Variants in SATB2 observed in about 807,000 individuals in gnomAD.
SATB2 encodes SATB homeobox 2.
In SATB2, 1 loss-of-function variant was observed where a neutral mutation model predicts 73.4. That is an observed-to-expected ratio of 0.01 (90% CI 0.00 to 0.06). The LOEUF (loss-of-function observed/expected upper bound fraction) is 0.06. Among genes scored for constraint, SATB2 ranks in the 10% least tolerant of loss-of-function variants. SATB2 has a pLI of 1.00. For missense variants in SATB2, 459 were observed against 945.8 expected, an observed-to-expected ratio of 0.49 and a Z score of 6.75; for synonymous variants, 397 against 367.0, an observed-to-expected ratio of 1.08 and a Z score of -0.93.
At chr2:199,314,868 C>T (rs1687687743) in intron 9 of SATB2, among the ~76,000 whole-genome samples, 1 of 152,056 alleles carries the variant, frequency 6.6e-6, no homozygotes, top group Non-Finnish European at 1.5e-5. Flanking sequence ...AGAATTAACT[C>T]GTCTTTCTTT....
At chr2:199,298,433 C>T (rs1687182445) in intron 10 of SATB2, among the ~76,000 whole-genome samples, 3 of 152,042 alleles carry the variant, frequency 2.0e-5, no homozygotes, top group Admixed American at 2.0e-4. Flanking sequence ...ACTTATACTA[C>T]TTAAGTATTT....
intron 3 of SATB2, among the ~76,000 whole-genome samples, chr2:199,417,054 ACACACACACAC>A (rs1691012996): frequency 1.3e-5 from 2 of 151,192 alleles, no homozygotes; most frequent in Non-Finnish European, 3.0e-5. Context: ...ACACACACAC[ACACACACACAC>A]ACACACTCAC....
At chr2:199,399,075 A>T (rs1690389440) in intron 3 of SATB2, among the ~76,000 whole-genome samples, 1 of 152,172 alleles carries the variant, frequency 6.6e-6, no homozygotes, top group Admixed American at 6.5e-5. Flanking sequence ...GGTCAAGACC[A>T]GCCTGAGCAA....
chr2:199,335,546 T>C (rs1688313467), intron 7 of SATB2, among the ~76,000 whole-genome samples: 2 of 152,190 alleles, frequency 1.3e-5, no homozygotes. Flanking sequence ...AGTAAACTCC[T>C]TGGGGGCAGA....
Position 199,349,085 on chromosome 2 carries a change from G to C in SATB2, c.789C>G (p.Ser263=), listed in dbSNP as rs781251588. Residue 263 remains serine (S), a synonymous_variant, in exon 7 of 11, where the codon TCC becomes TCG. Coordinates refer to ENST00000417098, the MANE Select transcript of SATB2 (RefSeq NM_001172509.2). ...GAGACTGTTCGTTGGTTTTCCCCAG[G>C]GATGCCAGCTGGTTCATATTTGGTA... ...MHLPNMNQLA[S]LGKTNEQSPH... is the part of the protein sequence containing the mutation. 1.2e-6 allele frequency: 2 copies of C among 1,614,008 alleles called. No individual in the cohort carries two copies. Among genetic ancestry groups the C allele is most frequent in the South Asian group, 2.2e-5 (2 of 91,074 alleles).
Position 199,421,964 on chromosome 2 carries a change from T to A in SATB2, c.346+11374A>T, listed in dbSNP as rs1320011564. Among the ~76,000 whole-genome samples, 5 of 152,218 alleles carry A rather than the reference T, an allele frequency of 3.3e-5. No homozygotes were observed. The East Asian group carries it at 7.7e-4, about 23-fold the overall frequency. ...CTCTGATTGCCCAGCATGTGCTGGG[T>A]ATATAGTATCTGCACTTAACACTTC... On this transcript the variant is annotated intron_variant, in intron 3 of 10. Coordinates refer to ENST00000417098, the MANE Select transcript of SATB2 (RefSeq NM_001172509.2).
intron 10 of SATB2, among the ~76,000 whole-genome samples, chr2:199,299,300 TA>T (rs893725620): frequency 2.6e-5 from 4 of 152,224 alleles, no homozygotes; most frequent in Non-Finnish European, 5.9e-5. Context: ...TAGAGCTATG[TA>T]AATCACTTTA....
intron 9 of SATB2, among the ~76,000 whole-genome samples, chr2:199,313,811 G>T (rs1277147408): frequency 6.6e-6 from 1 of 152,112 alleles, no homozygotes; most frequent in Non-Finnish European, 1.5e-5. Flanking sequence ...AGAACCTCTA[G>T]TTCACAATTT....
At chr2:199,469,634 A>C (rs1169600376), upstream of SATB2, 1 of 152,402 alleles carries the variant, frequency 6.6e-6, no homozygotes, top group African/African-American at 2.4e-5. Context: ...CCGGCAGAGC[A>C]TAAGGGCCCG....
intron 6 of SATB2, among the ~76,000 whole-genome samples, chr2:199,353,168 T>TTTA (rs1688870728): frequency 7.0e-6 from 1 of 143,838 alleles, no homozygotes; most frequent in African/African-American, 2.6e-5. Flanking sequence ...TTTTTTTTTT[T>TTTA]TTTTGAGACA....
intron 9 of SATB2, among the ~76,000 whole-genome samples, chr2:199,313,367 A>T (rs1308108425): frequency 6.6e-6 from 1 of 152,206 alleles, no homozygotes; most frequent in Non-Finnish European, 1.5e-5. Context: ...TTAAAACTTT[A>T]CCTTCAAAAT....
intron 4 of SATB2, 118 bp downstream of exon 4, chr2:199,381,571 CTTCTT>C (rs1559017659): frequency 5.1e-5 from 71 of 1,380,294 alleles, no homozygotes; most frequent in African/African-American, 1.4e-5. Context: ...CCTCTCTCTC[CTTCTT>C]TTCATTTTGT....
intron 3 of SATB2, chr2:199,397,654 C>T (rs999581253): frequency 2.4e-5 from 6 of 248,878 alleles, no homozygotes; most frequent in South Asian, 3.3e-5. Flanking sequence ...TTTGGGAGGC[C>T]GAGGTGGGCA....
At chr2:199,437,405 T>C (rs1490593305) in intron 2 of SATB2, among the ~76,000 whole-genome samples, 2 of 152,244 alleles carry the variant, frequency 1.3e-5, no homozygotes, top group Non-Finnish European at 2.9e-5. Flanking sequence ...TTAGTGATGA[T>C]ACTGAAACTG....
chr2:199,366,418 T>A (rs1296122936), intron 6 of SATB2, among the ~76,000 whole-genome samples: 1 of 152,130 alleles, frequency 6.6e-6, no homozygotes, highest in Non-Finnish European at 1.5e-5. Context: ...AAAATATGCC[T>A]GCTTCAGTCC....
chr2:199,332,912 G>A (rs573417483), intron 7 of SATB2, among the ~76,000 whole-genome samples: 68 of 152,072 alleles, frequency 4.5e-4, no homozygotes, highest in Non-Finnish European at 7.9e-4. Context: ...CTGGAAGAGA[G>A]CAATAAGAGA....
intron 6 of SATB2, among the ~76,000 whole-genome samples, chr2:199,366,279 T>G (rs1485843039): frequency 6.6e-6 from 1 of 152,046 alleles, no homozygotes; most frequent in Non-Finnish European, 1.5e-5. Context: ...ATTCATTGCC[T>G]TTTTTTCATT....
intron 2 of SATB2, among the ~76,000 whole-genome samples, chr2:199,439,495 C>T (rs958206527): frequency 3.3e-5 from 5 of 152,162 alleles, no homozygotes; most frequent in African/African-American, 9.7e-5. Context: ...ATCTTTTCTT[C>T]GTATAAAACT....
At chr2:199,465,204 C>T (rs1166660730), upstream of SATB2, 11 of 151,698 alleles carry the variant, frequency 7.3e-5, no homozygotes, top group Non-Finnish European at 2.9e-5. Context: ...TTATTTGTTT[C>T]AGCAGTCCTT....
Sources: gnomAD v4.1 joint callset for allele counts (sites outside exome capture counted in the v4.1 genomes callset) on GRCh38, gnomAD v4.1.1 for gene constraint, MANE v1.5 for transcripts, NCBI Gene and HGNC (gene_info 2026-07-23, HGNC 2026-07-21) for gene names.